Variants in TNIP3 observed in about 807,000 individuals in gnomAD.
The protein encoded by TNIP3 is TNFAIP3 interacting protein 3.
Under a neutral mutation model 54.1 loss-of-function variants are expected in TNIP3, and 34 were observed. That is an observed-to-expected ratio of 0.63 (90% CI 0.48 to 0.84). The LOEUF (loss-of-function observed/expected upper bound fraction) is 0.84. TNIP3 is among the 40% of genes least tolerant of loss of function. The probability of loss-of-function intolerance (pLI) is 0.00; values close to 1 mark genes in which losing one functional copy is unlikely to be tolerated. For synonymous variants in TNIP3, 134 were observed against 136.8 expected (o/e 0.98, Z 0.14); for missense variants, 366 against 387.6 (o/e 0.94, Z 0.47).
intron 2 of TNIP3, among the ~76,000 whole-genome samples, chr4:121,206,602 G>A (rs994127709): frequency 6.6e-5 from 10 of 151,908 alleles, no homozygotes; most frequent in African/African-American, 2.4e-4. Context: ...AGGCTGGAGT[G>A]TAGTGGTGCA....
chr4:121,151,835 C>A (rs1729778056), intron 5 of TNIP3, among the ~76,000 whole-genome samples: 1 of 152,224 alleles, frequency 6.6e-6, no homozygotes, highest in South Asian at 2.1e-4. Context: ...TGGGCTTTCC[C>A]AACTTCCTTG....
At chr4:121,156,831 C>G (rs1015691811) in intron 4 of TNIP3, among the ~76,000 whole-genome samples, 1 of 152,114 alleles carries the variant, frequency 6.6e-6, no homozygotes, top group African/African-American at 2.4e-5. Context: ...TTTTCTTCTT[C>G]CTGGAAGGGA....
At chr4:121,137,388 TC>T (rs1337980869) in intron 10 of TNIP3, 1 of 152,206 alleles carries the variant, frequency 6.6e-6, no homozygotes, top group African/African-American at 2.4e-5. Flanking sequence ...CTCAAGAACT[TC>T]ATTAAAACCA....
At chr4:121,212,158 G>A (rs923464341) in intron 2 of TNIP3, among the ~76,000 whole-genome samples, 4 of 152,188 alleles carry the variant, frequency 2.6e-5, no homozygotes, top group African/African-American at 9.7e-5. Flanking sequence ...AAGGCAGACA[G>A]AACAAAAGGT....
chr4:121,171,850 C>T (rs1222830061), intron 3 of TNIP3, among the ~76,000 whole-genome samples: 1 of 152,168 alleles, frequency 6.6e-6, no homozygotes, highest in African/African-American at 2.4e-5. Context: ...CCTGCCTCAG[C>T]CTCCCAAGTA....
intron 2 of TNIP3, among the ~76,000 whole-genome samples, chr4:121,207,826 A>C (rs1246644710): frequency 6.6e-6 from 1 of 152,198 alleles, no homozygotes; most frequent in Non-Finnish European, 1.5e-5. Context: ...AAAGATGATA[A>C]CAACCTGATA....
chr4:121,157,067 G>A lies in TNIP3; in HGVS notation c.363+27C>T, dbSNP rs768381713. 4.3e-6 allele frequency: 7 copies of A among 1,612,386 alleles called. No homozygotes were observed. In the East Asian group the frequency reaches 1.1e-4, roughly 26 times the overall value. On this transcript the variant is annotated intron_variant, in intron 4 of 10. Coordinates refer to ENST00000057513, the MANE Select transcript of TNIP3 (RefSeq NM_024873.6). ...CCCTTTGCTTTTATTTGGATCCTCC[G>A]GGCTCGAGGACCCGGGCCCCGCCCA...
At chr4:121,152,017 C>T (rs1229652093) in intron 5 of TNIP3, among the ~76,000 whole-genome samples, 1 of 152,156 alleles carries the variant, frequency 6.6e-6, no homozygotes, top group Non-Finnish European at 1.5e-5. Context: ...CTGATAAAAA[C>T]AAACTCCTAG....
intron 2 of TNIP3, among the ~76,000 whole-genome samples, chr4:121,199,745 CT>C (rs1403366077): frequency 5.9e-5 from 9 of 152,180 alleles, no homozygotes; most frequent in Admixed American, 3.9e-4. Flanking sequence ...AGGCATCATT[CT>C]TTTGGTACCC....
intron 3 of TNIP3, among the ~76,000 whole-genome samples, chr4:121,179,587 C>G (rs986727281): frequency 3.9e-5 from 6 of 152,066 alleles, no homozygotes; most frequent in African/African-American, 1.4e-4. Flanking sequence ...TTAGTAAGAT[C>G]TATGTTGATA....
At chr4:121,160,395 C>T (rs1730374593) in intron 2 of TNIP3, among the ~76,000 whole-genome samples, 1 of 151,942 alleles carries the variant, frequency 6.6e-6, no homozygotes, top group South Asian at 2.1e-4. Flanking sequence ...ACAAGAATCA[C>T]TTGAACCCTG....
At chr4:121,176,041 A>G (rs573122760) in intron 3 of TNIP3, among the ~76,000 whole-genome samples, 17 of 152,256 alleles carry the variant, frequency 1.1e-4, no homozygotes, top group South Asian at 2.1e-4. Context: ...GAAATATGTC[A>G]TAAATTAACC....
In TNIP3 at chr4:121,164,086, C is replaced by G. The variant is rs746493432; in HGVS notation, c.40G>C (p.Ala14Pro). ...FVQGTSRMIA[A>P]ESSTEHKECA... ...TCTTTATGCTCCGTAGAACTTTCTG[C>G]GGCAATCATTCTAGATGTGCCCTGT... The change falls in exon 1 of 11, where the codon GCA becomes CCA. Residue 14 changes from alanine (A) to proline (P), a missense_variant. Transcript: ENST00000057513. The G allele has an allele frequency of 1.1e-5, 17 of 1,613,476 alleles. No homozygotes were observed. The Admixed American group carries it at 1.7e-4, about 16-fold the overall frequency.
chr4:121,217,708 AGT>A (rs1316928991), upstream of TNIP3, among the ~76,000 whole-genome samples: 3 of 152,230 alleles, frequency 2.0e-5, no homozygotes, highest in African/African-American at 7.2e-5. Context: ...CATCTGATAG[AGT>A]GACTGCAATA....
At chr4:121,200,470 C>A (rs139983424) in intron 2 of TNIP3, among the ~76,000 whole-genome samples, 1 of 152,098 alleles carries the variant, frequency 6.6e-6, no homozygotes, top group African/African-American at 2.4e-5. Flanking sequence ...TTCATCTTTA[C>A]GCAGAGCTTT....
rs926735682 is a variant in TNIP3 at position 121,147,019 on chromosome 4, T to C, written c.735+30A>G. On this transcript the variant is annotated intron_variant, in intron 7 of 10. Coordinates refer to ENST00000057513, the MANE Select transcript of TNIP3 (RefSeq NM_024873.6). ...AAATGAAAAAAATATACATACATGCTGGCAAAGATTATTTTGTTTTGACTT... is the reference window on the plus strand; with the variant it reads ...AAATGAAAAAAATATACATACATGCCGGCAAAGATTATTTTGTTTTGACTT... 11 of 1,586,288 alleles carry C rather than the reference T, an allele frequency of 6.9e-6. 1 individual carries two copies. The highest frequency in any genetic ancestry group is 9.4e-6 in the Non-Finnish European group (11 of 1,170,196).
At chr4:121,178,916 A>C (rs983662496) in intron 3 of TNIP3, among the ~76,000 whole-genome samples, 3 of 152,214 alleles carry the variant, frequency 2.0e-5, no homozygotes, top group Non-Finnish European at 4.4e-5. Flanking sequence ...ACATAGATAC[A>C]TAAGTGATCA....
chr4:121,137,037 T>C (rs1728826354), intron 10 of TNIP3, among the ~76,000 whole-genome samples: 1 of 152,156 alleles, frequency 6.6e-6, no homozygotes, highest in Admixed American at 6.5e-5. Flanking sequence ...CATTATTGCA[T>C]ATTCTATTTA....
intron 3 of TNIP3, 28 bp from the exon 4 acceptor site, chr4:121,157,271 A>G (rs762540984): frequency 2.2e-5 from 35 of 1,613,966 alleles, no homozygotes; most frequent in Non-Finnish European, 3.0e-5. Context: ...AGACAGCTGC[A>G]GATACCTTCT....
Sources: gnomAD v4.1 joint callset for allele counts (sites outside exome capture counted in the v4.1 genomes callset) on GRCh38, gnomAD v4.1.1 for gene constraint, MANE v1.5 for transcripts, NCBI Gene and HGNC (gene_info 2026-07-23, HGNC 2026-07-21) for gene names.